Variants in CLEC16A observed in about 807,000 individuals in gnomAD.
CLEC16A encodes the protein protein CLEC16A.
CLEC16A carries 51 observed loss-of-function variants against 109.5 expected under a neutral mutation model. That is an observed-to-expected ratio of 0.47 (90% CI 0.37 to 0.59). CLEC16A has a LOEUF of 0.59. CLEC16A is among the 20% of genes least tolerant of loss of function. CLEC16A has a pLI of 0.00. For synonymous variants in CLEC16A, 673 were observed against 564.2 expected (o/e 1.19, Z -2.73); for missense variants, 1,339 against 1,394.0 (o/e 0.96, Z 0.63).
chr16:10,959,784 AT>A (rs966193896), intron 2 of CLEC16A, among the ~76,000 whole-genome samples: 56 of 141,634 alleles, frequency 4.0e-4, no homozygotes, highest in Admixed American at 3.5e-4. Context: ...GAATGGACTT[AT>A]TTTTTTTTTT....
At chr16:11,094,728 G>T (rs771207419) in intron 19 of CLEC16A, among the ~76,000 whole-genome samples, 75 of 152,294 alleles carry the variant, frequency 4.9e-4, no homozygotes, top group Non-Finnish European at 8.7e-4. Context: ...TCCTGCCTCT[G>T]CCGTGTAGTT....
chr16:11,172,286 G>A (rs1015273740), intron 23 of CLEC16A, among the ~76,000 whole-genome samples: 2 of 151,788 alleles, frequency 1.3e-5, no homozygotes, highest in African/African-American at 2.4e-5. Context: ...ACACATACCT[G>A]CACCTACACA....
chr16:11,087,317 A>G (rs762786928), intron 19 of CLEC16A, among the ~76,000 whole-genome samples: 1 of 149,360 alleles, frequency 6.7e-6, no homozygotes, highest in Non-Finnish European at 1.5e-5. Context: ...ACCCGGTCCC[A>G]AGAGCCAGGC....
intron 2 of CLEC16A, among the ~76,000 whole-genome samples, chr16:10,960,891 C>T (rs1254848292): frequency 6.6e-6 from 1 of 152,082 alleles, no homozygotes; most frequent in Non-Finnish European, 1.5e-5. Flanking sequence ...TTCTTGTATC[C>T]CCTCGATATG....
At chr16:11,075,400 G>C (rs1020686411) in intron 19 of CLEC16A, among the ~76,000 whole-genome samples, 8 of 136,164 alleles carry the variant, frequency 5.9e-5, no homozygotes, top group East Asian at 2.0e-4. Flanking sequence ...GTGTGTGTGT[G>C]TGTGTGTGTG....
chr16:11,048,425 C>A (rs939311705), intron 17 of CLEC16A: 2 of 152,208 alleles, frequency 1.3e-5, no homozygotes, highest in African/African-American at 4.8e-5. Context: ...TCCATAAGTA[C>A]GTGATAAGTG....
intron 19 of CLEC16A, among the ~76,000 whole-genome samples, chr16:11,114,344 C>A (rs895236599): frequency 2.0e-5 from 3 of 152,290 alleles, no homozygotes; most frequent in Admixed American, 6.5e-5. Context: ...AGCCCCACCC[C>A]TGTAGAATTG....
At chr16:10,965,643 G>T (rs2042465028) in intron 3 of CLEC16A, among the ~76,000 whole-genome samples, 1 of 152,330 alleles carries the variant, frequency 6.6e-6, no homozygotes, top group South Asian at 2.1e-4. Flanking sequence ...TGCACCTGTT[G>T]CCTGTTGGGG....
intron 18 of CLEC16A, among the ~76,000 whole-genome samples, chr16:11,056,359 A>C (rs1366760333): frequency 6.6e-6 from 1 of 152,242 alleles, no homozygotes; most frequent in African/African-American, 2.4e-5. Context: ...CCTGGCAGAC[A>C]GTAAGTGCTC....
At position 10,986,012 on chromosome 16, in the gene CLEC16A, A is replaced by ATTTTTTTTTTTTTTTTTTTTTTT. The variant is rs59547466; in HGVS notation, c.1071+3035_1071+3057dup. On this transcript the variant is annotated intron_variant, in intron 10 of 23. Coordinates refer to ENST00000409790, the MANE Select transcript of CLEC16A (RefSeq NM_015226.3). ...TGAGACACTGCACCTGGCCTGCAGA[A>ATTTTTTTTTTTTTTTTTTTTTTT]TTTTTTTTTTTTTTTTTTTTTTTTT... Among the ~76,000 whole-genome samples, 5 of 43,436 alleles carry ATTTTTTTTTTTTTTTTTTTTTTT rather than the reference A, an allele frequency of 1.2e-4. 2 individuals are homozygous for ATTTTTTTTTTTTTTTTTTTTTTT. Among genetic ancestry groups the ATTTTTTTTTTTTTTTTTTTTTTT allele is most frequent in the African/African-American group, 5.7e-4 (5 of 8,806 alleles). The allele number at this position is 43,436 out of a possible 152,430, so 28.5% of individuals were successfully genotyped here. A position where few individuals can be genotyped will look rare whatever the true frequency, so the allele number is the denominator to read the frequency against.
intron 19 of CLEC16A, among the ~76,000 whole-genome samples, chr16:11,090,865 T>A (rs746821301): frequency 8.7e-5 from 13 of 150,266 alleles, no homozygotes; most frequent in Non-Finnish European, 1.6e-4. Context: ...AGAGGGTTTC[T>A]TGCCTTGTTG....
At chr16:11,156,522 TG>T in intron 22 of CLEC16A, 1 of 1,144,608 alleles carries the variant, frequency 8.7e-7, no homozygotes, top group Non-Finnish European at 1.2e-6. Flanking sequence ...CGCCTGTGCC[TG>T]GGAGTCTCCT....
chr16:11,180,838 AG>A lies in CLEC16A; in HGVS notation c.*2149del. 1 of 152,562 alleles carries A rather than the reference AG, an allele frequency of 6.6e-6. No individual in the cohort carries two copies. Among genetic ancestry groups the A allele is most frequent in the South Asian group, 2.1e-4 (1 of 4,828 alleles). 9.5% of individuals were successfully genotyped at this position (152,562 alleles called of 1,614,324 possible). A position where few individuals can be genotyped will look rare whatever the true frequency, so the allele number is the denominator to read the frequency against. On this transcript the variant is annotated 3_prime_UTR_variant, in exon 24 of 24. Coordinates refer to ENST00000409790, the MANE Select transcript of CLEC16A (RefSeq NM_015226.3). ...TCTTGTAACCACTGAGCACTGAAGG[AG>A]AGAGGTCTTGGTCAGGGCTGGACAG... is the stretch of plus-strand genomic sequence containing the variant.
intron 22 of CLEC16A, among the ~76,000 whole-genome samples, chr16:11,146,193 A>G (rs559288093): frequency 6.6e-6 from 1 of 152,214 alleles, no homozygotes; most frequent in African/African-American, 2.4e-5. Flanking sequence ...CCCCACTCCC[A>G]GCACTCCAGG....
chr16:11,054,485 C>T (rs1032474650), intron 18 of CLEC16A, among the ~76,000 whole-genome samples: 9 of 152,198 alleles, frequency 5.9e-5, no homozygotes, highest in African/African-American at 1.7e-4. Context: ...ATGCACAACC[C>T]GAGTGGCTGG....
At chr16:11,156,513 G>T (rs1036042498) in intron 22 of CLEC16A, 54 of 1,023,350 alleles carry the variant, frequency 5.3e-5, no homozygotes, top group Non-Finnish European at 6.9e-5. Flanking sequence ...GTCAGTGAGC[G>T]CCTGTGCCTG....
At chr16:11,127,900 G>T (rs2052941918) in intron 22 of CLEC16A, among the ~76,000 whole-genome samples, 1 of 152,206 alleles carries the variant, frequency 6.6e-6, no homozygotes, top group Non-Finnish European at 1.5e-5. Context: ...ATCTTAGGCT[G>T]AGAGACTGAT....
At chr16:11,050,350 A>G (rs565675537) in intron 17 of CLEC16A, among the ~76,000 whole-genome samples, 2 of 152,314 alleles carry the variant, frequency 1.3e-5, no homozygotes, top group South Asian at 4.1e-4. Context: ...AAACCATAGC[A>G]CCAGGTATCT....
intron 16 of CLEC16A, 29 bp from the exon 17 acceptor site, chr16:11,047,263 T>A (rs1245372497): frequency 1.1e-5 from 17 of 1,586,942 alleles, no homozygotes; most frequent in Non-Finnish European, 1.5e-5. Flanking sequence ...ATGAATAATC[T>A]CCTCTTCCCT....
Sources: gnomAD v4.1 joint callset for allele counts (sites outside exome capture counted in the v4.1 genomes callset) on GRCh38, gnomAD v4.1.1 for gene constraint, MANE v1.5 for transcripts, NCBI Gene and HGNC (gene_info 2026-07-23, HGNC 2026-07-21) for gene names.